Variants in TNFRSF1B observed in about 807,000 individuals in gnomAD.
TNFRSF1B encodes tumor necrosis factor receptor superfamily member 1B.
Under a neutral mutation model 44.6 loss-of-function variants are expected in TNFRSF1B, and 19 were observed. The ratio of observed to expected loss-of-function variants is 0.43; its 90% confidence interval spans 0.30 to 0.62. TNFRSF1B has a LOEUF of 0.62. TNFRSF1B is among the 20% of genes least tolerant of loss of function. The pLI, the probability that TNFRSF1B is intolerant of heterozygous loss-of-function variation, is 0.16. For synonymous variants in TNFRSF1B, 252 were observed against 261.1 expected (o/e 0.97, Z 0.34); for missense variants, 541 against 619.9 (o/e 0.87, Z 1.35).
chr1:12,168,810 TC>T lies in TNFRSF1B; in HGVS notation c.78+1644del, dbSNP rs1342941036. Among the ~76,000 whole-genome samples the T allele has an allele frequency of 2.6e-5, 4 of 151,942 alleles. No individual in the cohort carries two copies. The East Asian group carries it at 7.7e-4, about 29-fold the overall frequency. ...GCTGGTCTCCCGGCCCTGCCCCCTC[TC>T]CCGCTGATCCTTGGCAGAGAGACCC... On this transcript the variant is annotated intron_variant, in intron 1 of 9. Coordinates refer to ENST00000376259, the MANE Select transcript of TNFRSF1B (RefSeq NM_001066.3). The surrounding 1 kb of genome is among the most constrained non-coding windows in gnomAD (Gnocchi z 4.7).
chr1:12,196,883 C>T (rs1467330963), intron 8 of TNFRSF1B, among the ~76,000 whole-genome samples: 4 of 152,206 alleles, frequency 2.6e-5, no homozygotes, highest in Admixed American at 2.6e-4. Flanking sequence ...GTTTCCCAAT[C>T]CTCTGTGCAC....
rs1355693671 is a variant in TNFRSF1B, at chr1:12,168,924, G to A, written c.78+1755G>A. ...GGCAGAAACTCCCCTGGAGATCCCA[G>A]GCCAGAGTAAGGTACCTGAACTCTT... On this transcript the variant is annotated intron_variant, in intron 1 of 9. Transcript: ENST00000376259. This position sits in a 1 kb window ranked among gnomAD's most constrained non-coding sequence, Gnocchi z 4.7. Among the ~76,000 whole-genome samples, 1 of 152,146 alleles carries A rather than the reference G, an allele frequency of 6.6e-6. No homozygotes were observed. Among genetic ancestry groups the A allele is most frequent in the Admixed American group, 6.5e-5 (1 of 15,282 alleles).
Position 12,191,892 on chromosome 1 carries a change from GT to G in TNFRSF1B, c.427del (p.Cys143AlafsTer122). The G allele has an allele frequency of 6.2e-7, 1 of 1,609,924 alleles. No individual in the cohort carries two copies. The highest frequency in any genetic ancestry group is 2.2e-5 in the East Asian group (1 of 44,818). On this transcript the variant is annotated frameshift_variant, in exon 4 of 10. Transcript: ENST00000376259. LOFTEE classifies it high-confidence loss of function. ...GCRLCAPLRK[C>X]RPGFGVARPG... ...GCCGGCTGTGCGCGCCGCTGCGCAA[GT>G]GCCGCCCGGGCTTCGGCGTGGCCAG... is the stretch of plus-strand genomic sequence containing the variant.
In TNFRSF1B at chr1:12,178,648, G is replaced by C. The variant is rs1361044646; in HGVS notation, c.79-10148G>C. On this transcript the variant is annotated intron_variant, in intron 1 of 9. Transcript: ENST00000376259. This position sits in a 1 kb window ranked among gnomAD's most constrained non-coding sequence, Gnocchi z 4.3. ...TGAAATGATGGCAGAGGGAACTCTT[G>C]AAAGAAGCTGAGAAGTCAGCACTGC... Among the ~76,000 whole-genome samples, 1 of 152,180 alleles carries C rather than the reference G, an allele frequency of 6.6e-6. No homozygotes were observed. Among genetic ancestry groups the C allele is most frequent in the Non-Finnish European group, 1.5e-5 (1 of 68,028 alleles).
chr1:12,183,727 A>AGCTATCTATCTAT (rs1638891568), intron 1 of TNFRSF1B, among the ~76,000 whole-genome samples: 3 of 121,148 alleles, frequency 2.5e-5, no homozygotes, highest in African/African-American at 8.8e-5. Context: ...CTACCTATCT[A>AGCTATCTATCTAT]TCTATCTATC....
chr1:12,175,921 T>C (rs1638644653), intron 1 of TNFRSF1B, among the ~76,000 whole-genome samples: 1 of 151,788 alleles, frequency 6.6e-6, no homozygotes, highest in Non-Finnish European at 1.5e-5. Flanking sequence ...GAGGAAAGAA[T>C]ATTAGGGGAC....
chr1:12,171,694 C>G lies in TNFRSF1B; in HGVS notation c.78+4525C>G, dbSNP rs1638526709. ...TTTAATTCTTTGTTGTGGGGCTGTC[C>G]CGTGAGCTGTAGGATGTTTAGCGAC... On this transcript the variant is annotated intron_variant, in intron 1 of 9. Coordinates refer to ENST00000376259, the MANE Select transcript of TNFRSF1B (RefSeq NM_001066.3). The surrounding 1 kb of genome is among the most constrained non-coding windows in gnomAD (Gnocchi z 4.5). 1.3e-5 allele frequency among the ~76,000 whole-genome samples: 2 copies of G among 152,168 alleles called. No individual in the cohort carries two copies. Among genetic ancestry groups the G allele is most frequent in the African/African-American group, 4.8e-5 (2 of 41,420 alleles).
chr1:12,174,468 G>C (rs5745965), intron 1 of TNFRSF1B, among the ~76,000 whole-genome samples: 1,735 of 152,170 alleles, frequency 0.011, 37 homozygotes, highest in African/African-American at 0.038. Flanking sequence ...GGCTGGTCTC[G>C]AACTCCTGAC....
At chr1:12,175,421 G>T (rs1050739358) in intron 1 of TNFRSF1B, among the ~76,000 whole-genome samples, 1 of 152,214 alleles carries the variant, frequency 6.6e-6, no homozygotes, top group Non-Finnish European at 1.5e-5. Flanking sequence ...GCCCAGGTGT[G>T]GTCCAGCTGT....
intron 1 of TNFRSF1B, among the ~76,000 whole-genome samples, chr1:12,176,479 T>C (rs1365168775): frequency 6.6e-6 from 1 of 152,234 alleles, no homozygotes; most frequent in African/African-American, 2.4e-5. Context: ...TGTGCATTTA[T>C]CAGTCCCATT....
chr1:12,184,157 G>A (rs534144238), intron 1 of TNFRSF1B, among the ~76,000 whole-genome samples: 107 of 152,292 alleles, frequency 7.0e-4, no homozygotes, highest in African/African-American at 2.5e-3. Context: ...GCATTTCCTA[G>A]AGAATGCTTG....
rs1638396799 is a variant in TNFRSF1B at position 12,166,998 on chromosome 1, G to GGCTA, written c.-91_-88dup. 9.9e-7 allele frequency: 1 copy of GGCTA among 1,006,506 alleles called. No homozygotes were observed. Among genetic ancestry groups the GGCTA allele is most frequent in the Non-Finnish European group, 1.3e-6 (1 of 781,854 alleles). 62.3% of individuals were successfully genotyped at this position (1,006,506 alleles called of 1,614,324 possible). A position where few individuals can be genotyped will look rare whatever the true frequency, so the allele number is the denominator to read the frequency against. ...GCGCGGGCTTTCGCTTTCAGTCGAG[G>GGCTA]GCTAGCGAGCGCAGCGGAGCCTGGA... On this transcript the variant is annotated 5_prime_UTR_variant, in exon 1 of 10. Coordinates refer to ENST00000376259, the MANE Select transcript of TNFRSF1B (RefSeq NM_001066.3).
intron 4 of TNFRSF1B, 147 bp from the exon 5 acceptor site, chr1:12,192,284 G>A: frequency 1.5e-6 from 1 of 669,186 alleles, no homozygotes. Flanking sequence ...ATCTGTGTGT[G>A]TGTGTGTGTG....
rs545035033 is a variant in TNFRSF1B, at chr1:12,185,688, A to G, written c.79-3108A>G. On this transcript the variant is annotated intron_variant, in intron 1 of 9. Coordinates refer to ENST00000376259, the MANE Select transcript of TNFRSF1B (RefSeq NM_001066.3). ...CTGGGGTGGGCCTCCGGGGCAGGCC[A>G]GGGTGGAAAGTGCATCTGTGTTTGA... is the stretch of plus-strand genomic sequence containing the variant. Among the ~76,000 whole-genome samples the G allele has an allele frequency of 9.1e-4, 139 of 152,334 alleles. 1 individual carries two copies. In the Middle Eastern group the frequency reaches 0.017, roughly 19 times the overall value.
chr1:12,198,492 C>G (rs970253478), intron 8 of TNFRSF1B, among the ~76,000 whole-genome samples: 1 of 152,138 alleles, frequency 6.6e-6, no homozygotes. Context: ...AACATAGACA[C>G]ACGTGTGCAC....
At chr1:12,191,953 C>T (rs17880512) in intron 4 of TNFRSF1B, 30 bp downstream of exon 4, 4 of 1,597,278 alleles carry the variant, frequency 2.5e-6, no homozygotes, top group Non-Finnish European at 2.6e-6. Flanking sequence ...TCCTTGGGGA[C>T]GCCCATGGGC....
intron 3 of TNFRSF1B, among the ~76,000 whole-genome samples, chr1:12,191,288 G>T (rs1245630543): frequency 6.6e-6 from 1 of 152,270 alleles, no homozygotes; most frequent in Non-Finnish European, 1.5e-5. Context: ...CGGGGCAGGC[G>T]GTGGGAGAAC....
intron 1 of TNFRSF1B, among the ~76,000 whole-genome samples, chr1:12,185,110 T>C (rs931721130): frequency 6.7e-6 from 1 of 148,838 alleles, no homozygotes; most frequent in African/African-American, 2.6e-5. Context: ...TAGTATTCGA[T>C]GGAATGGCTT....
At chr1:12,188,928 T>A (rs1484436481) in intron 2 of TNFRSF1B, 33 bp downstream of exon 2, 12 of 1,596,620 alleles carry the variant, frequency 7.5e-6, no homozygotes, top group Non-Finnish European at 1.0e-5. Context: ...TCGGGGCCCA[T>A]GCCCTGGAGG....
Sources: gnomAD v4.1 joint callset for allele counts (sites outside exome capture counted in the v4.1 genomes callset) on GRCh38, gnomAD v4.1.1 for gene constraint, Gnocchi (gnomAD v3.1) non-coding constraint, MANE v1.5 for transcripts, NCBI Gene and HGNC (gene_info 2026-07-23, HGNC 2026-07-21) for gene names.